RASSF5: variants seen among roughly 807,000 people sequenced by gnomAD.
The protein encoded by RASSF5 is Ras association domain family member 5.
RASSF5 carries 25 observed loss-of-function variants against 40.5 expected under a neutral mutation model. The ratio of observed to expected loss-of-function variants is 0.62; its 90% CI spans 0.45 to 0.86. RASSF5 has a LOEUF of 0.86. Among genes scored for constraint, RASSF5 ranks in the 40% least tolerant of loss-of-function variants. RASSF5 has a pLI of 0.00. For missense variants in RASSF5, 521 were observed against 572.8 expected, an observed-to-expected ratio of 0.91 and a Z score of 0.92; for synonymous variants, 246 against 252.4, an observed-to-expected ratio of 0.97 and a Z score of 0.24.
At chr1:206,523,723 T>TA (rs1553396575) in intron 1 of RASSF5, among the ~76,000 whole-genome samples, 1 of 91,472 alleles carries the variant, frequency 1.1e-5, no homozygotes, top group Non-Finnish European at 1.9e-5. Flanking sequence ...TACAATATAT[T>TA]TATATATTAT....
chr1:206,554,149 T>C (rs782145825), intron 2 of RASSF5, among the ~76,000 whole-genome samples: 9 of 152,190 alleles, frequency 5.9e-5, no homozygotes, highest in Middle Eastern at 3.2e-3. Context: ...TCAGCCTCTC[T>C]ATATGCCACT....
At chr1:206,585,064 C>T (rs1416167976) in intron 4 of RASSF5, 116 bp from the exon 5 acceptor site, 16 of 724,078 alleles carry the variant, frequency 2.2e-5, no homozygotes, top group Non-Finnish European at 3.1e-5. Context: ...TTAAAAGGCC[C>T]GTGTCTACTT....
chr1:206,557,799 C>G, intron 2 of RASSF5: 1 of 1,311,022 alleles, frequency 7.6e-7, no homozygotes, highest in South Asian at 1.3e-5. Flanking sequence ...AGCCACATGT[C>G]AGGAAAGTGG....
At chr1:206,522,239 C>T (rs1025142546) in intron 1 of RASSF5, among the ~76,000 whole-genome samples, 1 of 152,110 alleles carries the variant, frequency 6.6e-6, no homozygotes, top group African/African-American at 2.4e-5. Flanking sequence ...TGAGTGAATG[C>T]AGGCCACACA....
chr1:206,517,532 T>A lies in RASSF5; in HGVS notation c.457+9473T>A, dbSNP rs138791293. On this transcript the variant is annotated intron_variant, in intron 1 of 5. Coordinates refer to ENST00000579436, the MANE Select transcript of RASSF5 (RefSeq NM_182663.4). ...ATGTTAAGCTGGTCCCCGCTGGTGG[T>A]TGGCAGGTGAGTCCTGTCATCTCTG... 9.9e-3 allele frequency among the ~76,000 whole-genome samples: 1,501 copies of A among 152,190 alleles called. 22 individuals carry two copies. The highest frequency in any genetic ancestry group is 0.034 in the African/African-American group (1,424 of 41,512).
chr1:206,529,541 G>A (rs1667183309), intron 1 of RASSF5: 2 of 1,054,054 alleles, frequency 1.9e-6, no homozygotes. Context: ...CAGAAGACAA[G>A]GGCGCTTTGG....
intron 2 of RASSF5, chr1:206,557,259 G>C: frequency 8.8e-7 from 1 of 1,135,864 alleles, no homozygotes; most frequent in Non-Finnish European, 1.1e-6. Flanking sequence ...CGCTGGCGCC[G>C]GGGACACGAA....
At chr1:206,547,230 G>A (rs531776041) in intron 2 of RASSF5, among the ~76,000 whole-genome samples, 1 of 152,092 alleles carries the variant, frequency 6.6e-6, no homozygotes, top group Non-Finnish European at 1.5e-5. Context: ...TATACTACAA[G>A]CCAGGGGTCC....
In RASSF5 at chr1:206,546,089, A is replaced by ATTTTTTT. The variant is rs10603701; in HGVS notation, c.579+7827_579+7833dup. 3.3e-4 allele frequency among the ~76,000 whole-genome samples: 16 copies of ATTTTTTT among 48,232 alleles called. 1 individual carries two copies. The highest frequency in any genetic ancestry group is 5.2e-4 in the Non-Finnish European group (14 of 26,942). The allele number at this position is 48,232 out of a possible 152,430, so 31.6% of individuals were successfully genotyped here. On this transcript the variant is annotated intron_variant, in intron 2 of 5. Transcript: ENST00000579436. ...TTTTTCTTTTCTTTCTTCTTTTTCTATTTTTTTTTTTTTTTTTTTTTTTTT... is the reference window on the plus strand; with the variant it reads ...TTTTTCTTTTCTTTCTTCTTTTTCTATTTTTTTTTTTTTTTTTTTTTTTTTTTTTTTT...
In RASSF5 at chr1:206,531,085, G is replaced by T. The variant is rs902450612; in HGVS notation, c.458-7087G>T. 2.0e-5 allele frequency among the ~76,000 whole-genome samples: 3 copies of T among 152,218 alleles called. No individual in the cohort carries two copies. The highest frequency in any genetic ancestry group is 4.4e-5 in the Non-Finnish European group (3 of 68,042). On this transcript the variant is annotated intron_variant, in intron 1 of 5. Coordinates refer to ENST00000579436, the MANE Select transcript of RASSF5 (RefSeq NM_182663.4). This position sits in a 1 kb window ranked among gnomAD's most constrained non-coding sequence, Gnocchi z 4.7. ...CATTCTCATTTGATTCTCAACAACC[G>T]TACTGCTATCATCTCCATTTAACAG...
intron 2 of RASSF5, among the ~76,000 whole-genome samples, chr1:206,569,837 T>A (rs1332297510): frequency 1.3e-5 from 2 of 152,098 alleles, no homozygotes; most frequent in African/African-American, 4.8e-5. Context: ...ATTTTTTGTG[T>A]TCATTTTGCA....
At chr1:206,565,068 A>C (rs1441712862) in intron 2 of RASSF5, among the ~76,000 whole-genome samples, 1 of 152,034 alleles carries the variant, frequency 6.6e-6, no homozygotes, top group Non-Finnish European at 1.5e-5. Context: ...GGTCTCAGAT[A>C]CCTTAAATTT....
intron 5 of RASSF5, chr1:206,586,409 C>T (rs782357777): frequency 1.2e-5 from 2 of 168,920 alleles, no homozygotes; most frequent in Non-Finnish European, 2.5e-5. Flanking sequence ...AAGCTGTGCT[C>T]GAGGTCACAC....
rs1668806009 is a variant in RASSF5, at chr1:206,579,993, A to G, written c.580-3276A>G. Among the ~76,000 whole-genome samples the G allele has an allele frequency of 6.6e-6, 1 of 152,182 alleles. No homozygotes were observed. Among genetic ancestry groups the G allele is most frequent in the Non-Finnish European group, 1.5e-5 (1 of 68,026 alleles). On this transcript the variant is annotated intron_variant, in intron 2 of 5. Transcript: ENST00000579436. This position sits in a 1 kb window ranked among gnomAD's most constrained non-coding sequence, Gnocchi z 4.2. ...GTGACATTCGTAGTGTTGGCTACAC[A>G]CGGGGCTCCTGGCACTCCCAGACAG...
intron 2 of RASSF5, among the ~76,000 whole-genome samples, chr1:206,554,098 A>C (rs914172573): frequency 6.6e-5 from 10 of 152,236 alleles, no homozygotes; most frequent in Non-Finnish European, 1.0e-4. Context: ...CGGTGATTTC[A>C]AAATATGTCT....
Position 206,579,690 on chromosome 1 carries a change from C to T in RASSF5, c.580-3579C>T, listed in dbSNP as rs1668793985. ...TTAAAATTCCCATGCCCAGACTGCA[C>T]CCCAGACCAATTAAATCAGAATCTC... On this transcript the variant is annotated intron_variant, in intron 2 of 5. Coordinates refer to ENST00000579436, the MANE Select transcript of RASSF5 (RefSeq NM_182663.4). This position sits in a 1 kb window ranked among gnomAD's most constrained non-coding sequence, Gnocchi z 4.2. Among the ~76,000 whole-genome samples, 1 of 152,174 alleles carries T rather than the reference C, an allele frequency of 6.6e-6. No individual in the cohort carries two copies. The highest frequency in any genetic ancestry group is 1.5e-5 in the Non-Finnish European group (1 of 68,020).
chr1:206,574,395 T>C (rs1481824641), intron 2 of RASSF5, among the ~76,000 whole-genome samples: 1 of 152,218 alleles, frequency 6.6e-6, no homozygotes, highest in Non-Finnish European at 1.5e-5. Flanking sequence ...CAAGGTGCCT[T>C]TCACGATCCT....
At chr1:206,561,797 C>G (rs1207637893) in intron 2 of RASSF5, among the ~76,000 whole-genome samples, 1 of 149,772 alleles carries the variant, frequency 6.7e-6, no homozygotes, top group Non-Finnish European at 1.5e-5. Context: ...TCCTGAGTAG[C>G]TGAGATTACA....
chr1:206,546,333 G>T, intron 2 of RASSF5, among the ~76,000 whole-genome samples: 1 of 151,650 alleles, frequency 6.6e-6, no homozygotes, highest in East Asian at 1.9e-4. Flanking sequence ...GGTCTCAAGT[G>T]ATCAGGGGCT....
Sources: allele counts gnomAD v4.1 joint callset (sites outside exome capture counted in the v4.1 genomes callset), GRCh38; gene constraint gnomAD v4.1.1; non-coding constraint Gnocchi (gnomAD v3.1); transcripts MANE v1.5; gene names NCBI Gene and HGNC (gene_info 2026-07-23, HGNC 2026-07-21).